The following CC2D2B variants were observed in gnomAD, a reference collection of about 807,000 sequenced individuals.
CC2D2B encodes the protein protein CC2D2B.
Under a neutral mutation model 161.2 loss-of-function variants are expected in CC2D2B, and 128 were observed. The observed-to-expected ratio is 0.79, with a 90% CI of 0.69 to 0.92. CC2D2B has a LOEUF of 0.92. Among genes scored for constraint, CC2D2B ranks in the 40% least tolerant of loss-of-function variants. The pLI, the probability that CC2D2B is intolerant of heterozygous loss-of-function variation, is 0.00. For synonymous variants in CC2D2B, 391 were observed against 449.8 expected (o/e 0.87, Z 1.65); for missense variants, 1,173 against 1,375.1 (o/e 0.85, Z 2.32).
rs1564647697 is a variant in CC2D2B, at chr10:95,992,664, A to G, written c.2609A>G (p.Tyr870Cys). Residue 870 changes from tyrosine to cysteine, a missense_variant, in exon 22 of 35, where the codon TAT (tyrosine) becomes TGT (cysteine). This residue lies in a region of CC2D2B where 598 missense variants were observed against 693.2 expected (regional missense o/e 0.86). Coordinates refer to ENST00000646931, the MANE Select transcript of CC2D2B (RefSeq NM_001349008.3). ...ATTCTTGTCCGAATAGTGAGGGCCT[A>G]TAATATTCCTACCAGAAAAACAACA... ...IKILVRIVRA[Y>C]NIPTRKTTIN... 1.1e-5 allele frequency: 13 copies of G among 1,234,164 alleles called. No homozygotes were observed. Among genetic ancestry groups the G allele is most frequent in the East Asian group, 3.2e-5 (1 of 31,712 alleles). The allele number at this position is 1,234,164 out of a possible 1,614,324, so 76.5% of individuals were successfully genotyped here.
chr10:95,924,059 G>A (rs923529766), intron 3 of CC2D2B, among the ~76,000 whole-genome samples: 1 of 151,858 alleles, frequency 6.6e-6, no homozygotes, highest in African/African-American at 2.4e-5. Context: ...GGTGATAGAG[G>A]ATAGAAAAGT....
chr10:96,002,892 G>A (rs904693340), intron 24 of CC2D2B, among the ~76,000 whole-genome samples: 5 of 151,736 alleles, frequency 3.3e-5, no homozygotes, highest in Admixed American at 6.6e-5. Flanking sequence ...TGTTAGAACC[G>A]GGTCCAGCCA....
chr10:96,031,800 C>T lies in CC2D2B; in HGVS notation c.4126-20C>T. ...CCCAGTTGTAATGTGGGTTTATGTG[C>T]TGTTCTGTCTTTGATCCAGGTCACG... is the stretch of plus-strand genomic sequence containing the variant. On this transcript the variant is annotated intron_variant, in intron 34 of 34. Transcript: ENST00000646931. The T allele has an allele frequency of 6.2e-7, 1 of 1,602,392 alleles. No individual in the cohort carries two copies. The highest frequency in any genetic ancestry group is 1.1e-5 in the South Asian group (1 of 89,942).
chr10:95,971,355 A>G (rs939104096), intron 15 of CC2D2B, among the ~76,000 whole-genome samples: 1 of 150,586 alleles, frequency 6.6e-6, no homozygotes, highest in Non-Finnish European at 1.5e-5. Flanking sequence ...CACCACTACA[A>G]TCCAGCCTGG....
At chr10:95,919,967 C>A (rs992056543) in intron 2 of CC2D2B, 1 of 151,780 alleles carries the variant, frequency 6.6e-6, no homozygotes, top group Admixed American at 6.6e-5. Context: ...GGTGACTATA[C>A]CCTGACTACC....
intron 32 of CC2D2B, 91 bp downstream of exon 32, chr10:96,019,915 T>A: frequency 1.6e-6 from 2 of 1,212,936 alleles, no homozygotes; most frequent in Non-Finnish European, 1.1e-6. Context: ...TGTTTTATAG[T>A]TGGTTGGTTA....
At chr10:96,011,137 A>G (rs183903924) in intron 26 of CC2D2B, among the ~76,000 whole-genome samples, 18 of 152,354 alleles carry the variant, frequency 1.2e-4, no homozygotes, top group Admixed American at 1.2e-3. Context: ...AGTGGGAAAG[A>G]ACGAATATCA....
intron 24 of CC2D2B, among the ~76,000 whole-genome samples, chr10:95,999,564 T>C (rs1013349318): frequency 2.0e-5 from 3 of 152,110 alleles, no homozygotes; most frequent in South Asian, 2.1e-4. Flanking sequence ...TTCTAACCAA[T>C]TGAGTAATTT....
At chr10:96,003,025 T>A (rs12264255) in intron 24 of CC2D2B, among the ~76,000 whole-genome samples, 1,428 of 127,176 alleles carry the variant, frequency 0.011, 15 homozygotes, top group African/African-American at 0.034. Flanking sequence ...TAAATAAATA[T>A]ATATATATAT....
At position 96,016,227 on chromosome 10, in the gene CC2D2B, TAAG is replaced by T. The variant is rs930411799; in HGVS notation, c.3544_3546del (p.Lys1182del). Reference sequence around the variant, plus strand: ...ACTGCATCAGTTTAGCTATCGGAAATAAGGAGGAGCATGCCATCCTTCTCTGTA... The same window carrying T: ...ACTGCATCAGTTTAGCTATCGGAAATGAGGAGCATGCCATCCTTCTCTGTA... On this transcript the variant is annotated inframe_deletion, in exon 30 of 35. Transcript: ENST00000646931. The T allele has an allele frequency of 8.7e-6, 14 of 1,612,054 alleles. No individual in the cohort carries two copies. The highest frequency in any genetic ancestry group is 5.3e-5 in the African/African-American group (4 of 74,802).
At chr10:95,929,337 C>T (rs2098545434) in intron 6 of CC2D2B, among the ~76,000 whole-genome samples, 2 of 152,116 alleles carry the variant, frequency 1.3e-5, no homozygotes, top group South Asian at 4.1e-4. Context: ...TTCTCCCATT[C>T]TGTAGGTTGC....
At chr10:95,913,902 C>A (rs1196622470) in intron 2 of CC2D2B, among the ~76,000 whole-genome samples, 1 of 152,122 alleles carries the variant, frequency 6.6e-6, no homozygotes, top group African/African-American at 2.4e-5. Flanking sequence ...TATATTTTCT[C>A]CCATTCTAAG....
At chr10:95,944,613 A>C (rs1443442706) in intron 9 of CC2D2B, among the ~76,000 whole-genome samples, 3 of 152,228 alleles carry the variant, frequency 2.0e-5, no homozygotes, top group Admixed American at 2.0e-4. Flanking sequence ...TGAATGAATG[A>C]ATAAATGAAC....
intron 19 of CC2D2B, among the ~76,000 whole-genome samples, chr10:95,987,939 G>A (rs1211684394): frequency 1.3e-5 from 2 of 152,138 alleles, no homozygotes; most frequent in African/African-American, 4.8e-5. Context: ...ATGCATACAT[G>A]AAGAATCTTT....
chr10:95,927,242 T>C lies in CC2D2B; in HGVS notation c.246T>C (p.Ser82=). 6.5e-7 allele frequency: 1 copy of C among 1,535,892 alleles called. No homozygotes were observed. Among genetic ancestry groups the C allele is most frequent in the Non-Finnish European group, 8.8e-7 (1 of 1,132,870 alleles). The change falls in exon 6 of 35, where the codon TCT becomes TCC. Residue 82 remains serine, a synonymous_variant. Coordinates refer to ENST00000646931, the MANE Select transcript of CC2D2B (RefSeq NM_001349008.3). ...DSEIHQRSKL[S]PQTEVSLDES... ...TAAATACTGGTTTATCATAGTTGTC[T>C]CCACAGACTGAAGTCTCATTGGATG...
intron 33 of CC2D2B, among the ~76,000 whole-genome samples, chr10:96,025,168 T>TATATAAAAAAAAAA (rs1564683746): frequency 3.2e-4 from 4 of 12,522 alleles, no homozygotes; most frequent in African/African-American, 4.7e-4. Flanking sequence ...TATATATATA[T>TATATAAAAAAAAAA]ATATATATAT....
intron 11 of CC2D2B, among the ~76,000 whole-genome samples, chr10:95,959,763 G>A (rs7909124): frequency 2.0e-5 from 3 of 150,738 alleles, no homozygotes; most frequent in East Asian, 3.9e-4. Context: ...ACAATGTGTT[G>A]ATTAGTGTAA....
chr10:96,031,593 T>G (rs1263717233), intron 34 of CC2D2B, among the ~76,000 whole-genome samples: 3 of 152,224 alleles, frequency 2.0e-5, no homozygotes, highest in African/African-American at 7.2e-5. Flanking sequence ...TGCTCCTATC[T>G]GTAAAGTAAG....
chr10:95,969,797 A>G (rs1441115878), intron 15 of CC2D2B, among the ~76,000 whole-genome samples: 1 of 152,060 alleles, frequency 6.6e-6, no homozygotes, highest in Non-Finnish European at 1.5e-5. Context: ...TGTTGTCCCT[A>G]AAGTAAATTG....
Sources: gnomAD v4.1 joint callset for allele counts (sites outside exome capture counted in the v4.1 genomes callset) on GRCh38, gnomAD v4.1.1 for gene constraint, gnomAD v4.1.1 regional missense constraint, MANE v1.5 for transcripts, NCBI Gene and HGNC (gene_info 2026-07-23, HGNC 2026-07-21) for gene names.